The following TMEM200A variants were observed in gnomAD, a reference collection of about 807,000 sequenced individuals.
TMEM200A encodes two transmembrane C.
In TMEM200A, 12 loss-of-function variants were observed where a neutral mutation model predicts 24.3. That is an observed-to-expected ratio of 0.49 (90% confidence interval 0.32 to 0.80). The LOEUF is 0.80. Ranked by LOEUF, TMEM200A falls within the 30% of genes least tolerant of loss-of-function variation. The pLI is 0.04. For missense variants in TMEM200A, 545 were observed against 614.4 expected, an observed-to-expected ratio of 0.89 and a Z score of 1.19; for synonymous variants, 224 against 224.4, an observed-to-expected ratio of 1.00 and a Z score of 0.02.
chr6:130,409,353 A>C (rs1779280901), intron 2 of TMEM200A, among the ~76,000 whole-genome samples: 1 of 152,146 alleles, frequency 6.6e-6, no homozygotes, highest in South Asian at 2.1e-4. Context: ...CCTTTATATG[A>C]AATAAACTTT....
chr6:130,424,112 A>G (rs199652529), intron 2 of TMEM200A, among the ~76,000 whole-genome samples: 18 of 144,542 alleles, frequency 1.2e-4, no homozygotes, highest in Middle Eastern at 6.9e-3. Context: ...TTTCTTTCTC[A>G]TCTGTTTTCT....
intron 2 of TMEM200A, among the ~76,000 whole-genome samples, chr6:130,436,872 G>A (rs1228007064): frequency 1.3e-5 from 2 of 151,858 alleles, no homozygotes; most frequent in Non-Finnish European, 2.9e-5. Flanking sequence ...TGCTGGTCTT[G>A]AACTGCTGGC....
At chr6:130,374,512 T>G (rs1372846051) in intron 1 of TMEM200A, among the ~76,000 whole-genome samples, 1 of 151,944 alleles carries the variant, frequency 6.6e-6, no homozygotes, top group African/African-American at 2.4e-5. Flanking sequence ...GCCTCTCAGG[T>G]TCAAGCGATT....
chr6:130,383,753 T>C (rs1041014472), intron 1 of TMEM200A, among the ~76,000 whole-genome samples: 2 of 152,202 alleles, frequency 1.3e-5, no homozygotes, highest in African/African-American at 4.8e-5. Flanking sequence ...TGAATAATTC[T>C]GACAAGTATT....
At position 130,366,682 on chromosome 6, in the gene TMEM200A, A is replaced by C; in HGVS notation, c.-81+158A>C. The stretch of plus-strand genomic sequence containing the variant: ...GTCTCTCCTAAAGTTTGGGAAATAA[A>C]CCAAGTCCGCCATCAGGTCCAGACT... On this transcript the variant is annotated intron_variant, in intron 1 of 2. Coordinates refer to ENST00000296978, the MANE Select transcript of TMEM200A (RefSeq NM_001258277.2). This position sits in a 1 kb window ranked among gnomAD's most constrained non-coding sequence, Gnocchi z 4.4. The C allele has an allele frequency of 1.5e-6, 1 of 655,342 alleles. No homozygotes were observed. The highest frequency in any genetic ancestry group is 1.9e-6 in the Non-Finnish European group (1 of 528,484). The allele number at this position is 655,342 out of a possible 1,614,324, so 40.6% of individuals were successfully genotyped here. A position where few individuals can be genotyped will look rare whatever the true frequency, so the allele number is the denominator to read the frequency against.
chr6:130,419,145 C>T (rs1779523006), intron 2 of TMEM200A, among the ~76,000 whole-genome samples: 1 of 152,144 alleles, frequency 6.6e-6, no homozygotes, highest in Non-Finnish European at 1.5e-5. Flanking sequence ...TTTTTAGCTC[C>T]CACATATGAG....
At position 130,431,863 on chromosome 6, in the gene TMEM200A, C is replaced by T. The variant is rs907917844; in HGVS notation, c.-16-8544C>T. On this transcript the variant is annotated intron_variant, in intron 2 of 2. Transcript: ENST00000296978. ...AGGGCAGTCTCGTCTCTATTCCTAG[C>T]GTTTTCTGCAGGCTCAAGATGTACT... Among the ~76,000 whole-genome samples, 4 of 152,054 alleles carry T rather than the reference C, an allele frequency of 2.6e-5. No individual in the cohort carries two copies. In the East Asian group the frequency reaches 7.7e-4, roughly 29 times the overall value.
intron 1 of TMEM200A, among the ~76,000 whole-genome samples, chr6:130,371,869 T>C (rs1778328698): frequency 6.6e-6 from 1 of 152,156 alleles, no homozygotes; most frequent in Non-Finnish European, 1.5e-5. Context: ...GAATATGGAA[T>C]GGGCAGCTCC....
At chr6:130,416,012 G>A (rs1779440835) in intron 2 of TMEM200A, among the ~76,000 whole-genome samples, 2 of 151,710 alleles carry the variant, frequency 1.3e-5, no homozygotes, top group South Asian at 4.2e-4. Context: ...ATGTAATTAT[G>A]ACATTTAAGA....
At chr6:130,384,312 G>A (rs1215889726) in intron 1 of TMEM200A, among the ~76,000 whole-genome samples, 1 of 152,114 alleles carries the variant, frequency 6.6e-6, no homozygotes, top group Non-Finnish European at 1.5e-5. Context: ...TCTGTTACCT[G>A]TGTTTTTATT....
intron 2 of TMEM200A, among the ~76,000 whole-genome samples, chr6:130,435,883 A>T (rs888572798): frequency 6.6e-6 from 1 of 152,214 alleles, no homozygotes; most frequent in African/African-American, 2.4e-5. Flanking sequence ...CTGCATCTTC[A>T]TACACTGAAG....
At chr6:130,392,268 G>T (rs1013715045) in intron 2 of TMEM200A, among the ~76,000 whole-genome samples, 1 of 152,122 alleles carries the variant, frequency 6.6e-6, no homozygotes, top group African/African-American at 2.4e-5. Context: ...ACAATGCATA[G>T]CCTGTTGAAT....
At chr6:130,407,418 G>T (rs557325774) in intron 2 of TMEM200A, among the ~76,000 whole-genome samples, 2 of 152,312 alleles carry the variant, frequency 1.3e-5, no homozygotes, top group South Asian at 4.1e-4. Context: ...GATTGTTAAT[G>T]GTCGGGAGGT....
chr6:130,388,364 T>A (rs1315333281), intron 2 of TMEM200A, among the ~76,000 whole-genome samples: 1 of 152,180 alleles, frequency 6.6e-6, no homozygotes, highest in Non-Finnish European at 1.5e-5. Flanking sequence ...GCTGTGTAGA[T>A]GTTTCCCAAA....
chr6:130,392,578 GA>G (rs1055099490), intron 2 of TMEM200A, among the ~76,000 whole-genome samples: 4 of 152,178 alleles, frequency 2.6e-5, no homozygotes, highest in African/African-American at 9.6e-5. Context: ...CCTGTACAGA[GA>G]TATATTTTTT....
At chr6:130,425,659 G>T (rs1307330306) in intron 2 of TMEM200A, among the ~76,000 whole-genome samples, 1 of 152,174 alleles carries the variant, frequency 6.6e-6, no homozygotes, top group Non-Finnish European at 1.5e-5. Flanking sequence ...GTCAGAACTT[G>T]AGTTGGAAGA....
chr6:130,420,592 G>A (rs1392770988), intron 2 of TMEM200A, among the ~76,000 whole-genome samples: 4 of 152,082 alleles, frequency 2.6e-5, no homozygotes, highest in East Asian at 1.9e-4. Flanking sequence ...ATGGACCTCC[G>A]GGAATATGTG....
intron 2 of TMEM200A, chr6:130,421,492 A>C (rs1463549874): frequency 6.8e-6 from 1 of 147,874 alleles, no homozygotes; most frequent in Admixed American, 6.8e-5. Context: ...TAACACATCC[A>C]TTCCTTCACA....
At chr6:130,420,014 T>C (rs1313502481) in intron 2 of TMEM200A, among the ~76,000 whole-genome samples, 3 of 152,076 alleles carry the variant, frequency 2.0e-5, no homozygotes, top group Non-Finnish European at 4.4e-5. Context: ...GCTTCTTTTA[T>C]AAGGACATTA....
Sources: gnomAD v4.1 joint callset for allele counts (sites outside exome capture counted in the v4.1 genomes callset) on GRCh38, gnomAD v4.1.1 for gene constraint, Gnocchi (gnomAD v3.1) non-coding constraint, MANE v1.5 for transcripts, NCBI Gene and HGNC (gene_info 2026-07-23, HGNC 2026-07-21) for gene names.